The following ARHGAP35 variants were observed in gnomAD, a reference collection of about 807,000 sequenced individuals.
The protein encoded by ARHGAP35 is rho GTPase-activating protein 35.
ARHGAP35 carries 15 observed loss-of-function variants against 111.1 expected under a neutral mutation model. The observed-to-expected ratio is 0.13, with a 90% confidence interval of 0.09 to 0.21. The LOEUF (loss-of-function observed/expected upper bound fraction) is 0.21. ARHGAP35 is among the 10% of genes least tolerant of loss of function. ARHGAP35 has a pLI of 1.00. For missense variants in ARHGAP35, 1,262 were observed against 1,873.0 expected, an observed-to-expected ratio of 0.67 and a Z score of 6.02; for synonymous variants, 643 against 710.3, an observed-to-expected ratio of 0.91 and a Z score of 1.51.
chr19:46,982,199 G>A (rs908602410), intron 3 of ARHGAP35, among the ~76,000 whole-genome samples: 10 of 151,978 alleles, frequency 6.6e-5, no homozygotes, highest in African/African-American at 1.2e-4. Flanking sequence ...TAAAGGAGCC[G>A]GGTGCGGTGG....
intron 2 of ARHGAP35, among the ~76,000 whole-genome samples, chr19:46,935,520 G>C (rs2056302766): frequency 6.6e-6 from 1 of 152,212 alleles, no homozygotes; most frequent in African/African-American, 2.4e-5. Context: ...AGGGGTACTG[G>C]TAGGAACGAA....
rs994252476 is a variant in ARHGAP35 at position 46,901,562 on chromosome 19, CA to C, written c.-188-16918del. ...GACAGAGCTTAGACTCTGTCTCACA[CA>C]AAAAAAATGATCAAATCTGTTCTTT... On this transcript the variant is annotated intron_variant, in intron 1 of 6. Coordinates refer to ENST00000672722, the MANE Select transcript of ARHGAP35 (RefSeq NM_004491.5). This position sits in a 1 kb window ranked among gnomAD's most constrained non-coding sequence, Gnocchi z 4.5. Among the ~76,000 whole-genome samples the C allele has an allele frequency of 2.0e-5, 3 of 151,600 alleles. No homozygotes were observed. The East Asian group carries it at 5.8e-4, about 29-fold the overall frequency.
intron 1 of ARHGAP35, among the ~76,000 whole-genome samples, chr19:46,904,733 C>T (rs967249791): frequency 1.3e-5 from 2 of 152,122 alleles, no homozygotes; most frequent in African/African-American, 4.8e-5. Context: ...ACAGAGGTGG[C>T]GGGGGAGAGG....
intron 3 of ARHGAP35, among the ~76,000 whole-genome samples, chr19:46,981,839 T>A (rs2056622114): frequency 6.6e-6 from 1 of 150,436 alleles, no homozygotes; most frequent in Non-Finnish European, 1.5e-5. Context: ...TTTGTTTTGT[T>A]TTGTTTTGTT....
chr19:46,923,965 A>G (rs940237835), intron 2 of ARHGAP35, among the ~76,000 whole-genome samples: 3 of 151,926 alleles, frequency 2.0e-5, no homozygotes, highest in African/African-American at 7.2e-5. Context: ...ATATATATAA[A>G]TACTCTTTAT....
Position 47,001,448 on chromosome 19 carries a change from A to T in ARHGAP35, c.*760A>T, listed in dbSNP as rs1038863273. 1.6e-6 allele frequency: 2 copies of T among 1,240,276 alleles called. No individual in the cohort carries two copies. The highest frequency in any genetic ancestry group is 3.1e-5 in the African/African-American group (2 of 64,762). The allele number at this position is 1,240,276 out of a possible 1,614,324, so 76.8% of individuals were successfully genotyped here. A position where few individuals can be genotyped will look rare whatever the true frequency, so the allele number is the denominator to read the frequency against. On this transcript the variant is annotated 3_prime_UTR_variant, in exon 7 of 7. Transcript: ENST00000672722. The surrounding 1 kb of genome is among the most constrained non-coding windows in gnomAD (Gnocchi z 5.4). Reference sequence around the variant, plus strand: ...CAGAAAGAAAACTACAGACCTCAAGATTCCACTCTGTGCCCGCCTCTGCCG... The same window carrying T: ...CAGAAAGAAAACTACAGACCTCAAGTTTCCACTCTGTGCCCGCCTCTGCCG...
Position 46,993,398 on chromosome 19 carries a change from G to A in ARHGAP35, c.4036+3723G>A, listed in dbSNP as rs1446303447. 6.6e-6 allele frequency among the ~76,000 whole-genome samples: 1 copy of A among 152,248 alleles called. No homozygotes were observed. The highest frequency in any genetic ancestry group is 2.4e-5 in the African/African-American group (1 of 41,464). Reference sequence around the variant, plus strand: ...GCAGACCCAGGCCTAGAGCTTGGTTGGCAGCCTGGCTGCCAGTGATGGCAA... The same window carrying A: ...GCAGACCCAGGCCTAGAGCTTGGTTAGCAGCCTGGCTGCCAGTGATGGCAA... On this transcript the variant is annotated intron_variant, in intron 5 of 6. Coordinates refer to ENST00000672722, the MANE Select transcript of ARHGAP35 (RefSeq NM_004491.5). The surrounding 1 kb of genome is among the most constrained non-coding windows in gnomAD (Gnocchi z 4.6).
At chr19:46,932,183 G>A (rs908791385) in intron 2 of ARHGAP35, among the ~76,000 whole-genome samples, 1 of 152,236 alleles carries the variant, frequency 6.6e-6, no homozygotes, top group African/African-American at 2.4e-5. Flanking sequence ...TCAGGAGGCT[G>A]AGGCAGGAGA....
chr19:46,872,836 G>C (rs1334206112), intron 1 of ARHGAP35, among the ~76,000 whole-genome samples: 1 of 149,498 alleles, frequency 6.7e-6, no homozygotes, highest in Non-Finnish European at 1.5e-5. Context: ...AGCCGAGATT[G>C]TGCCACTACA....
At chr19:46,929,591 CTTTTTTTTTTT>C (rs55818906) in intron 2 of ARHGAP35, among the ~76,000 whole-genome samples, 1 of 93,054 alleles carries the variant, frequency 1.1e-5, no homozygotes, top group Non-Finnish European at 2.1e-5. Flanking sequence ...ACCTGTTACT[CTTTTTTTTTTT>C]TTTTTTTTTT....
Position 47,003,913 on chromosome 19 carries a change from GACACGC to G in ARHGAP35, c.*3230_*3235del, listed in dbSNP as rs1478249656. The G allele has an allele frequency of 1.5e-3, 181 of 120,344 alleles. 1 individual carries two copies. Among genetic ancestry groups the G allele is most frequent in the African/African-American group, 4.1e-3 (131 of 32,036 alleles). The allele number at this position is 120,344 out of a possible 1,614,324, so 7.5% of individuals were successfully genotyped here. A position where few individuals can be genotyped will look rare whatever the true frequency, so the allele number is the denominator to read the frequency against. ...CCCCCGCAGGCCACCAGGCATTCTG[GACACGC>G]ACACACACACACACACACACACACA... On this transcript the variant is annotated 3_prime_UTR_variant, in exon 7 of 7. Coordinates refer to ENST00000672722, the MANE Select transcript of ARHGAP35 (RefSeq NM_004491.5).
chr19:46,932,152 C>T (rs955601044), intron 2 of ARHGAP35, among the ~76,000 whole-genome samples: 2 of 152,154 alleles, frequency 1.3e-5, no homozygotes, highest in East Asian at 1.9e-4. Context: ...CATGGTGGCT[C>T]ATGCCTATAA....
At chr19:46,895,456 C>T (rs928387103) in intron 1 of ARHGAP35, among the ~76,000 whole-genome samples, 3 of 152,272 alleles carry the variant, frequency 2.0e-5, no homozygotes, top group East Asian at 1.9e-4. Context: ...TGAGCCACCG[C>T]GCCCAGCCGG....
chr19:46,916,955 TTTC>T (rs755558162), intron 1 of ARHGAP35, among the ~76,000 whole-genome samples: 2 of 152,278 alleles, frequency 1.3e-5, no homozygotes, highest in East Asian at 3.9e-4. Flanking sequence ...CCTTCCTGCA[TTTC>T]TTTTTTTTTT....
chr19:46,931,644 G>A (rs1366423918), intron 2 of ARHGAP35, among the ~76,000 whole-genome samples: 1 of 152,324 alleles, frequency 6.6e-6, no homozygotes, highest in African/African-American at 2.4e-5. Context: ...GAGGTACAAA[G>A]CAATGGACTA....
At chr19:46,956,956 C>CTTTTTTTTTTT (rs11449203) in intron 3 of ARHGAP35, among the ~76,000 whole-genome samples, 1 of 107,618 alleles carries the variant, frequency 9.3e-6, no homozygotes, top group Non-Finnish European at 1.8e-5. Flanking sequence ...TTAAAGCAGA[C>CTTTTTTTTTTT]TTTTTTTTTT....
Position 46,891,003 on chromosome 19 carries a change from A to G in ARHGAP35, c.-188-27485A>G, listed in dbSNP as rs1223493135. Among the ~76,000 whole-genome samples the G allele has an allele frequency of 1.6e-4, 24 of 152,262 alleles. 1 individual carries two copies. Among genetic ancestry groups the G allele is most frequent in the Non-Finnish European group, 2.9e-5 (2 of 68,018 alleles). ...TCTTTGCTGTCTCCCAGTAGTCAGT[A>G]TGGTAATAAGCTTCCCTCTGGTGGG... On this transcript the variant is annotated intron_variant, in intron 1 of 6. Coordinates refer to ENST00000672722, the MANE Select transcript of ARHGAP35 (RefSeq NM_004491.5).
chr19:46,984,937 G>C (rs566875396), intron 3 of ARHGAP35, among the ~76,000 whole-genome samples: 2 of 152,298 alleles, frequency 1.3e-5, no homozygotes, highest in African/African-American at 4.8e-5. Context: ...TGCGGCCCTC[G>C]GCTGGCCAGG....
At chr19:46,959,211 T>G (rs1157691801) in intron 3 of ARHGAP35, among the ~76,000 whole-genome samples, 1 of 151,976 alleles carries the variant, frequency 6.6e-6, no homozygotes, top group African/African-American at 2.4e-5. Context: ...GCTACAGGCA[T>G]GCACCACCAC....
Sources: allele counts gnomAD v4.1 joint callset (sites outside exome capture counted in the v4.1 genomes callset), GRCh38; gene constraint gnomAD v4.1.1; non-coding constraint Gnocchi (gnomAD v3.1); transcripts MANE v1.5; gene names NCBI Gene and HGNC (gene_info 2026-07-23, HGNC 2026-07-21).